CDC14A: variants seen among roughly 807,000 people sequenced by gnomAD.
The protein encoded by CDC14A is cell division cycle 14A, also known as dual specificity protein phosphatase CDC14A.
CDC14A carries 53 observed loss-of-function variants against 74.4 expected under a neutral mutation model. The ratio of observed to expected loss-of-function variants is 0.71; its 90% CI spans 0.57 to 0.89. CDC14A has a LOEUF of 0.89. Among genes scored for constraint, CDC14A ranks in the 40% least tolerant of loss-of-function variants. CDC14A has a pLI of 0.00. For missense variants in CDC14A, 646 were observed against 713.7 expected (o/e 0.91, Z 1.08); for synonymous variants, 247 against 258.4 (o/e 0.96, Z 0.43).
chr1:100,376,920 C>T (rs28361198), intron 2 of CDC14A, among the ~76,000 whole-genome samples: 13,604 of 152,104 alleles, frequency 0.089, 2,106 homozygotes, highest in African/African-American at 0.31. Flanking sequence ...TAGTACAGGC[C>T]ATGTACTTGT....
intron 15 of CDC14A, among the ~76,000 whole-genome samples, chr1:100,510,468 T>C (rs1404612821): frequency 6.6e-6 from 1 of 152,224 alleles, no homozygotes; most frequent in Non-Finnish European, 1.5e-5. Context: ...GCTTCTGACA[T>C]CTTGAATCCT....
chr1:100,437,023 G>A (rs1214330954), intron 5 of CDC14A, among the ~76,000 whole-genome samples: 2 of 151,940 alleles, frequency 1.3e-5, no homozygotes, highest in Non-Finnish European at 2.9e-5. Context: ...CTGGCTCTAC[G>A]AAAAATATAA....
chr1:100,450,876 T>C (rs1299684524), intron 7 of CDC14A, among the ~76,000 whole-genome samples: 2 of 152,226 alleles, frequency 1.3e-5, no homozygotes, highest in African/African-American at 4.8e-5. Context: ...CTACTGAAAC[T>C]GTTCCTGCTA....
chr1:100,403,444 A>G (rs1179521011), intron 4 of CDC14A, among the ~76,000 whole-genome samples: 1 of 152,160 alleles, frequency 6.6e-6, no homozygotes, highest in Admixed American at 6.5e-5. Context: ...TAGGGCATTG[A>G]TTTTTGGCAT....
chr1:100,452,529 TG>T (rs1365963294), intron 7 of CDC14A, among the ~76,000 whole-genome samples: 1 of 152,102 alleles, frequency 6.6e-6, no homozygotes, highest in African/African-American at 2.4e-5. Flanking sequence ...AAAAAGGAAT[TG>T]TAAAAATTCA....
At chr1:100,438,910 A>G (rs1162416168) in intron 5 of CDC14A, among the ~76,000 whole-genome samples, 1 of 152,062 alleles carries the variant, frequency 6.6e-6, no homozygotes, top group Non-Finnish European at 1.5e-5. Context: ...TGTGCCTTTC[A>G]CTTTGTCTAG....
chr1:100,378,855 T>C (rs1451280607), intron 3 of CDC14A, among the ~76,000 whole-genome samples: 1 of 152,184 alleles, frequency 6.6e-6, no homozygotes, highest in East Asian at 1.9e-4. Context: ...TTAAGCCAGA[T>C]CTGTTTTTAA....
intron 15 of CDC14A, among the ~76,000 whole-genome samples, chr1:100,512,795 C>T (rs1330785637): frequency 2.0e-5 from 3 of 152,226 alleles, no homozygotes; most frequent in East Asian, 1.9e-4. Flanking sequence ...AATGCACACA[C>T]ACCTTTCGAA....
intron 2 of CDC14A, among the ~76,000 whole-genome samples, chr1:100,373,971 C>T (rs919227556): frequency 6.6e-6 from 1 of 152,124 alleles, no homozygotes; most frequent in Non-Finnish European, 1.5e-5. Flanking sequence ...CACCCCACAA[C>T]AGTCCCCAGA....
chr1:100,396,176 G>A (rs1353328582), intron 4 of CDC14A, among the ~76,000 whole-genome samples: 1 of 152,246 alleles, frequency 6.6e-6, no homozygotes, highest in Non-Finnish European at 1.5e-5. Flanking sequence ...TTCACCCGTT[G>A]AGTTGGAAGC....
rs1056815707 is a variant in CDC14A, at chr1:100,424,117, G to A, written c.310-105G>A. 8 of 807,186 alleles carry A rather than the reference G, an allele frequency of 9.9e-6. No individual in the cohort carries two copies. In the East Asian group the frequency reaches 1.0e-4, roughly 10 times the overall value. 50.0% of individuals were successfully genotyped at this position (807,186 alleles called of 1,614,324 possible). A position where few individuals can be genotyped will look rare whatever the true frequency, so the allele number is the denominator to read the frequency against. On this transcript the variant is annotated intron_variant, in intron 4 of 15. Coordinates refer to ENST00000336454, the MANE Select transcript of CDC14A (RefSeq NM_003672.4). Reference sequence around the variant, plus strand: ...CTTTGTAAAGATCAACACTATCACCGTAACAGCTGTCACTCAAAGTGGAGG... The same window carrying A: ...CTTTGTAAAGATCAACACTATCACCATAACAGCTGTCACTCAAAGTGGAGG...
intron 2 of CDC14A, among the ~76,000 whole-genome samples, chr1:100,363,669 A>G (rs988039081): frequency 6.7e-6 from 1 of 149,852 alleles, no homozygotes; most frequent in Non-Finnish European, 1.5e-5. Flanking sequence ...AAGGTAGTTT[A>G]TTTCAAATTT....
chr1:100,499,176 A>T lies in CDC14A; in HGVS notation c.1669A>T (p.Lys557Ter). 1 of 1,614,136 alleles carries T rather than the reference A, an allele frequency of 6.2e-7. No individual in the cohort carries two copies. The highest frequency in any genetic ancestry group is 8.5e-7 in the Non-Finnish European group (1 of 1,180,014). The change falls in exon 15 of 16, where the codon AAG becomes TAG. Residue 557 changes from lysine to a stop codon, truncating the protein, a stop_gained. Transcript: ENST00000336454. LOFTEE classifies it high-confidence loss of function. ...LNSPPGPHSA[K>*]TEEHTTILRP... is the part of the protein sequence containing the mutation. ...CAGCCCCCCAGGCCCCCACAGCGCCAAGACAGAGGAGCACACCACCATCCT... is the reference window on the plus strand; with the variant it reads ...CAGCCCCCCAGGCCCCCACAGCGCCTAGACAGAGGAGCACACCACCATCCT...
rs559728078 is a variant in CDC14A, at chr1:100,518,482, A to G, written c.*202A>G. The stretch of plus-strand genomic sequence containing the variant: ...TGACTACTATAAATGCACTGAAACT[A>G]TGTTTATGGAGATTTCCATACTTTT... On this transcript the variant is annotated 3_prime_UTR_variant, in exon 16 of 16. Coordinates refer to ENST00000336454, the MANE Select transcript of CDC14A (RefSeq NM_003672.4). 77 of 506,666 alleles carry G rather than the reference A, an allele frequency of 1.5e-4. No individual in the cohort carries two copies. The highest frequency in any genetic ancestry group is 1.3e-3 in the African/African-American group (65 of 51,152). The allele number at this position is 506,666 out of a possible 1,614,324, so 31.4% of individuals were successfully genotyped here.
At chr1:100,469,849 T>C (rs1288664234) in intron 10 of CDC14A, among the ~76,000 whole-genome samples, 1 of 152,100 alleles carries the variant, frequency 6.6e-6, no homozygotes, top group African/African-American at 2.4e-5. Context: ...CCTATTATAC[T>C]CTTTCTCTCT....
chr1:100,493,806 T>A (rs1052251613), intron 11 of CDC14A, among the ~76,000 whole-genome samples: 2 of 152,212 alleles, frequency 1.3e-5, no homozygotes, highest in African/African-American at 4.8e-5. Flanking sequence ...AGGTTTGATC[T>A]TTTTACTGTG....
At chr1:100,349,304 ACT>A (rs1557668235), upstream of CDC14A, among the ~76,000 whole-genome samples, 1 of 151,786 alleles carries the variant, frequency 6.6e-6, no homozygotes, top group Admixed American at 6.6e-5. Context: ...CGATATGTAA[ACT>A]CTCTTAGTAT....
intron 5 of CDC14A, among the ~76,000 whole-genome samples, chr1:100,427,999 TTTTA>T (rs1202887287): frequency 6.6e-6 from 1 of 152,182 alleles, no homozygotes; most frequent in Non-Finnish European, 1.5e-5. Flanking sequence ...TAGGTGCTAA[TTTTA>T]TTTATTCGTA....
At chr1:100,450,825 T>G (rs1372934454) in intron 7 of CDC14A, among the ~76,000 whole-genome samples, 3 of 152,238 alleles carry the variant, frequency 2.0e-5, no homozygotes, top group Non-Finnish European at 4.4e-5. Context: ...ATCTCCAAAC[T>G]TCTTAAGAGA....
Sources: allele counts gnomAD v4.1 joint callset (sites outside exome capture counted in the v4.1 genomes callset), GRCh38; gene constraint gnomAD v4.1.1; transcripts MANE v1.5; gene names NCBI Gene and HGNC (gene_info 2026-07-23, HGNC 2026-07-21).